The following KMT2A variants were observed in gnomAD, a reference collection of about 807,000 sequenced individuals.
KMT2A encodes the protein lysine methyltransferase 2A.
KMT2A carries 16 observed loss-of-function variants against 345.3 expected under a neutral mutation model. The ratio of observed to expected loss-of-function variants is 0.05; its 90% CI spans 0.03 to 0.07. The LOEUF (loss-of-function observed/expected upper bound fraction) is 0.07. Among genes scored for constraint, KMT2A ranks in the 10% least tolerant of loss-of-function variants. The pLI is 1.00. For missense variants in KMT2A, 3,272 were observed against 4,841.6 expected (o/e 0.68, Z 9.62); for synonymous variants, 1,599 against 1,778.6 (o/e 0.90, Z 2.54).
rs1324692603 is a variant in KMT2A at position 118,526,167 on chromosome 11, T to C, written c.*3995T>C. On this transcript the variant is annotated 3_prime_UTR_variant, in exon 36 of 36. Transcript: ENST00000534358. The stretch of plus-strand genomic sequence containing the variant: ...GGGGGAACCTCTAACCATAAAGGAA[T>C]GGTAGAACAGTCCATTCCTCGGATC... 1 of 216,184 alleles carries C rather than the reference T, an allele frequency of 4.6e-6. No individual in the cohort carries two copies. The highest frequency in any genetic ancestry group is 2.3e-5 in the African/African-American group (1 of 44,434). 13.4% of individuals were successfully genotyped at this position (216,184 alleles called of 1,614,324 possible).
At chr11:118,440,738 G>T (rs1357302781) in intron 1 of KMT2A, among the ~76,000 whole-genome samples, 1 of 151,056 alleles carries the variant, frequency 6.6e-6, no homozygotes, top group African/African-American at 2.4e-5. Context: ...GATTGGACTT[G>T]AAAAGATAGT....
intron 1 of KMT2A, among the ~76,000 whole-genome samples, chr11:118,459,194 C>T (rs1949701377): frequency 6.6e-6 from 1 of 152,070 alleles, no homozygotes; most frequent in South Asian, 2.1e-4. Flanking sequence ...ATCAGCCACC[C>T]AAGAAGCTGG....
rs474257 is a variant in KMT2A, at chr11:118,468,021, A to G, written c.433-754A>G. Among the ~76,000 whole-genome samples, 828 of 151,278 alleles carry G rather than the reference A, an allele frequency of 5.5e-3. 6 individuals are homozygous for G. The highest frequency in any genetic ancestry group is 8.5e-3 in the Non-Finnish European group (575 of 67,770). On this transcript the variant is annotated intron_variant, in intron 1 of 35. Coordinates refer to ENST00000534358, the MANE Select transcript of KMT2A (RefSeq NM_001197104.2). ...TTAAACAAATCCTTTTTTTTTTTATAGAGCAGGTTAAAATTAGAGGTAAGC... is the reference window on the plus strand; with the variant it reads ...TTAAACAAATCCTTTTTTTTTTTATGGAGCAGGTTAAAATTAGAGGTAAGC...
chr11:118,449,952 G>A (rs994639341), intron 1 of KMT2A: 37 of 152,164 alleles, frequency 2.4e-4, no homozygotes, highest in African/African-American at 8.9e-4. Context: ...TCATATGGGG[G>A]ACCAAAATTT....
At position 118,502,312 on chromosome 11, in the gene KMT2A, A is replaced by G; in HGVS notation, c.6506-86A>G. 2.6e-6 allele frequency: 2 copies of G among 755,666 alleles called. No individual in the cohort carries two copies. The highest frequency in any genetic ancestry group is 4.2e-6 in the Non-Finnish European group (2 of 477,208). 46.8% of individuals were successfully genotyped at this position (755,666 alleles called of 1,614,324 possible). A position where few individuals can be genotyped will look rare whatever the true frequency, so the allele number is the denominator to read the frequency against. ...TTTCCAGTTACCTATAAATATATAT[A>G]TATATAGTCAAATCATTGAAACCAG... On this transcript the variant is annotated intron_variant, in intron 26 of 35. Transcript: ENST00000534358. The surrounding 1 kb of genome is among the most constrained non-coding windows in gnomAD (Gnocchi z 4.9).
Position 118,504,551 on chromosome 11 carries a change from G to A in KMT2A, c.8659G>A (p.Asp2887Asn), listed in dbSNP as rs782113711. ...LLNLGEGLGL[D>N]SNREKDMGLF... ...GAATCTTGGTGAAGGATTGGGTCTT[G>A]ACAGTAATCGTGAAAAAGACATGGG... The change falls in exon 27 of 36, where the codon GAC becomes AAC. Residue 2887 changes from aspartate (D) to asparagine (N), a missense_variant. Physicochemically the swap from Asp to Asn is conservative, Grantham distance 23 (BLOSUM62 1). Transcript: ENST00000534358. The surrounding 1 kb of genome is among the most constrained non-coding windows in gnomAD (Gnocchi z 6.4). 1.2e-6 allele frequency: 2 copies of A among 1,614,216 alleles called. No homozygotes were observed. The highest frequency in any genetic ancestry group is 2.2e-5 in the South Asian group (2 of 91,086).
intron 3 of KMT2A, among the ~76,000 whole-genome samples, chr11:118,474,998 TGATGCATGCCTCTA>T (rs1347358188): frequency 1.3e-5 from 2 of 149,288 alleles, no homozygotes; most frequent in African/African-American, 4.9e-5. Context: ...CTGGGCGTGG[TGATGCATGCCTCTA>T]GTCCCAGCTA....
chr11:118,439,158 C>CAAAAAAAAAAAAAAAAAG, intron 1 of KMT2A: 1 of 265,448 alleles, frequency 3.8e-6, no homozygotes. Flanking sequence ...GATACAGCAG[C>CAAAAAAAAAAAAAAAAAG]AAAAAAAAAA....
At chr11:118,456,667 TC>T (rs1348284905) in intron 1 of KMT2A, among the ~76,000 whole-genome samples, 1 of 152,218 alleles carries the variant, frequency 6.6e-6, no homozygotes, top group Non-Finnish European at 1.5e-5. Flanking sequence ...ATGTAGGTAT[TC>T]CTCAGAACTC....
rs782789725 is a variant in KMT2A at position 118,502,523 on chromosome 11, C to T, written c.6631C>T (p.Arg2211Trp). 2.7e-5 allele frequency: 43 copies of T among 1,614,002 alleles called. No homozygotes were observed. The highest frequency in any genetic ancestry group is 8.0e-5 in the African/African-American group (6 of 74,906). The change falls in exon 27 of 36, where the codon CGG becomes TGG. Residue 2211 changes from arginine (R) to tryptophan (W), a missense_variant. Around this residue, in one of 27 missense-constraint regions of KMT2A, gnomAD observed 445 missense variants for 500.9 expected, o/e 0.89. Coordinates refer to ENST00000534358, the MANE Select transcript of KMT2A (RefSeq NM_001197104.2). The surrounding 1 kb of genome is among the most constrained non-coding windows in gnomAD (Gnocchi z 4.9). ...CTTATCACCCCAGCGGTCCAAACTCCGGATAATGTCTCCAATGAGAACTGG... is the reference window on the plus strand; with the variant it reads ...CTTATCACCCCAGCGGTCCAAACTCTGGATAATGTCTCCAATGAGAACTGG... ...SSLSPQRSKL[R>W]IMSPMRTGNT... is the part of the protein sequence containing the mutation.
intron 31 of KMT2A, chr11:118,512,303 G>T: frequency 2.2e-6 from 1 of 446,642 alleles, no homozygotes. Flanking sequence ...TCATTCCTCA[G>T]CCCCTGGCCA....
chr11:118,477,691 A>G (rs1555037958), intron 4 of KMT2A, among the ~76,000 whole-genome samples: 3 of 151,056 alleles, frequency 2.0e-5, no homozygotes. Flanking sequence ...TATTTTTAGT[A>G]GAGAGGGGTT....
Position 118,519,952 on chromosome 11 carries a change from C to G in KMT2A, c.11322-5C>G. On this transcript the variant is annotated splice_region_variant and splice_polypyrimidine_tract_variant and intron_variant, in intron 32 of 35. Transcript: ENST00000534358. ...TCTAAATATGTTTTAATCTTTTGGC[C>G]CCAGGAAGTCAGCATTTGACATGTT... 1 of 1,610,166 alleles carries G rather than the reference C, an allele frequency of 6.2e-7. No homozygotes were observed. The highest frequency in any genetic ancestry group is 1.7e-4 in the Middle Eastern group (1 of 6,046).
intron 1 of KMT2A, among the ~76,000 whole-genome samples, chr11:118,437,679 C>T (rs527468385): frequency 1.3e-5 from 2 of 151,278 alleles, no homozygotes; most frequent in Admixed American, 6.6e-5. Context: ...GTCTCTTCCC[C>T]CCCCCGCCCC....
rs189706555 is a variant in KMT2A, at chr11:118,439,944, A to G, written c.432+3000A>G. Among the ~76,000 whole-genome samples the G allele has an allele frequency of 2.9e-4, 44 of 150,458 alleles. 1 individual carries two copies. The East Asian group carries it at 8.0e-3, about 27-fold the overall frequency. On this transcript the variant is annotated intron_variant, in intron 1 of 35. Transcript: ENST00000534358. ...CAAGCACTTTTTTTTTTTTTTTAACATAGCCTTACTAATCAATGATAAAGT... is the reference window on the plus strand; with the variant it reads ...CAAGCACTTTTTTTTTTTTTTTAACGTAGCCTTACTAATCAATGATAAAGT...
intron 1 of KMT2A, among the ~76,000 whole-genome samples, chr11:118,437,682 C>G (rs9332750): frequency 2.1e-4 from 32 of 151,700 alleles, no homozygotes; most frequent in Non-Finnish European, 3.1e-4. Flanking sequence ...TCTTCCCCCC[C>G]CCGCCCCGTC....
At position 118,496,746 on chromosome 11, in the gene KMT2A, C is replaced by T. The variant is rs569831386; in HGVS notation, c.5664+379C>T. Among the ~76,000 whole-genome samples, 3 of 152,084 alleles carry T rather than the reference C, an allele frequency of 2.0e-5. No homozygotes were observed. The highest frequency in any genetic ancestry group is 1.3e-4 in the Admixed American group (2 of 15,268). ...TAGGATAGCAGAATCGTTAAGAGCC[C>T]GAGTTCTGCCGCCTGCCTGAATACA... On this transcript the variant is annotated intron_variant, in intron 20 of 35. Transcript: ENST00000534358. This position sits in a 1 kb window ranked among gnomAD's most constrained non-coding sequence, Gnocchi z 4.7.
Position 118,482,456 on chromosome 11 carries a change from C to A in KMT2A, c.4047C>A (p.Pro1349=), listed in dbSNP as rs782578101. The A allele has an allele frequency of 6.2e-6, 10 of 1,613,374 alleles. No individual in the cohort carries two copies. In the South Asian group the frequency reaches 9.9e-5, roughly 16 times the overall value. ...AGAGCAAACAGAAAAAAGTGGCTCCCCGCCCAAGTATCCCTGTAAAACAAA... is the reference window on the plus strand; with the variant it reads ...AGAGCAAACAGAAAAAAGTGGCTCCACGCCCAAGTATCCCTGTAAAACAAA... ...PEQSKQKKVA[P]RPSIPVKQKP... The change falls in exon 8 of 36, where the codon CCC becomes CCA. Residue 1349 remains proline, a synonymous_variant. Coordinates refer to ENST00000534358, the MANE Select transcript of KMT2A (RefSeq NM_001197104.2).
chr11:118,458,665 C>A (rs892008485), intron 1 of KMT2A, among the ~76,000 whole-genome samples: 1 of 152,142 alleles, frequency 6.6e-6, no homozygotes, highest in Non-Finnish European at 1.5e-5. Context: ...TCTGCTAATA[C>A]TAGTAATTAT....
Sources: gnomAD v4.1 joint callset for allele counts (sites outside exome capture counted in the v4.1 genomes callset) on GRCh38, gnomAD v4.1.1 for gene constraint, gnomAD v4.1.1 regional missense constraint, Gnocchi (gnomAD v3.1) non-coding constraint, MANE v1.5 for transcripts, NCBI Gene and HGNC (gene_info 2026-07-23, HGNC 2026-07-21) for gene names.